STK32C: variants seen among roughly 807,000 people sequenced by gnomAD.
STK32C encodes the protein serine/threonine-protein kinase 32C.
Under a neutral mutation model 56.5 loss-of-function variants are expected in STK32C, and 31 were observed. The ratio of observed to expected loss-of-function variants is 0.55; its 90% CI spans 0.41 to 0.74. The LOEUF (loss-of-function observed/expected upper bound fraction) is 0.74, where lower values mean the gene tolerates loss of function less well. STK32C is among the 30% of genes least tolerant of loss of function. The pLI is 0.00. For synonymous variants in STK32C, 309 were observed against 289.4 expected (o/e 1.07, Z -0.69); for missense variants, 544 against 676.9 (o/e 0.80, Z 2.18).
chr10:132,315,243 C>T (rs988974127), intron 1 of STK32C, among the ~76,000 whole-genome samples: 27 of 152,006 alleles, frequency 1.8e-4, no homozygotes, highest in Non-Finnish European at 3.5e-4. Flanking sequence ...CACATGTTCT[C>T]ATTCATAAGT....
chr10:132,316,688 G>A (rs2066316587), intron 1 of STK32C, among the ~76,000 whole-genome samples: 1 of 151,902 alleles, frequency 6.6e-6, no homozygotes. Flanking sequence ...TAAAGCCCCA[G>A]GATTACAGAA....
At position 132,331,679 on chromosome 10, in the gene STK32C, G is replaced by A. The variant is rs756909510; in HGVS notation, c.58C>T (p.Gln20Ter). The A allele has an allele frequency of 2.4e-5, 38 of 1,612,684 alleles. No individual in the cohort carries two copies. Among genetic ancestry groups the A allele is most frequent in the Non-Finnish European group, 2.5e-5 (30 of 1,179,866 alleles). ...AGCAGCAATTCTTTTCTGCTCGGCTGTCCTCGAGCAGCCCCGCCCGCCCCG... is the reference window on the plus strand; with the variant it reads ...AGCAGCAATTCTTTTCTGCTCGGCTATCCTCGAGCAGCCCCGCCCGCCCCG... The change falls in exon 1 of 2, where the codon CAG becomes TAG. Residue 20 changes from glutamine (Q) to a stop codon, truncating the protein, a stop_gained. Coordinates refer to the STK32C transcript ENST00000368619. LOFTEE classifies it high-confidence loss of function.
intron 2 of STK32C, among the ~76,000 whole-genome samples, chr10:132,236,873 G>A (rs1054550339): frequency 2.0e-5 from 3 of 152,164 alleles, no homozygotes; most frequent in Admixed American, 6.5e-5. Flanking sequence ...TTGGCCCCAG[G>A]GTCCCTGCAC....
chr10:132,208,329 C>T (rs1445616063), intron 11 of STK32C, among the ~76,000 whole-genome samples, 178 bp from the exon 12 acceptor site: 3 of 152,182 alleles, frequency 2.0e-5, no homozygotes, highest in South Asian at 4.1e-4. Flanking sequence ...AGCCTGGGGA[C>T]GGGTGGGGGC....
chr10:132,222,467 G>A (rs2062712425), intron 10 of STK32C, among the ~76,000 whole-genome samples, 174 bp downstream of exon 10: 1 of 152,198 alleles, frequency 6.6e-6, no homozygotes, highest in South Asian at 2.1e-4. Context: ...GGAGCGAGGT[G>A]GGGGCTGGGA....
intron 1 of STK32C, among the ~76,000 whole-genome samples, chr10:132,298,277 G>A (rs1156609387): frequency 6.6e-6 from 1 of 152,252 alleles, no homozygotes. Context: ...CAGTCAAAGT[G>A]ACACGGTGCC....
chr10:132,209,183 C>G, intron 10 of STK32C, 82 bp from the exon 11 acceptor site: 2 of 1,282,896 alleles, frequency 1.6e-6, no homozygotes, highest in Admixed American at 3.5e-5. Flanking sequence ...GTCTGGGCAT[C>G]CCCATCGGGC....
chr10:132,214,070 A>G (rs2062395457), intron 10 of STK32C, among the ~76,000 whole-genome samples: 1 of 152,144 alleles, frequency 6.6e-6, no homozygotes, highest in East Asian at 1.9e-4. Flanking sequence ...TTCCAGCAGG[A>G]GAAGAGAAAG....
Position 132,301,493 on chromosome 10 carries a change from G to A in STK32C, c.262+6079C>T, listed in dbSNP as rs1211249050. ...ACACAGCTGGGAGCGCCCGTTAGGT[G>A]TGGGGGTCCCCGGGGAAGACAAGGC... On this transcript the variant is annotated intron_variant, in intron 1 of 11. Coordinates refer to ENST00000298630, the MANE Select transcript of STK32C (RefSeq NM_173575.4). Among the ~76,000 whole-genome samples, 4 of 152,320 alleles carry A rather than the reference G, an allele frequency of 2.6e-5. No individual in the cohort carries two copies. In the East Asian group the frequency reaches 7.7e-4, roughly 29 times the overall value.
intron 1 of STK32C, among the ~76,000 whole-genome samples, chr10:132,298,493 T>C (rs953345240): frequency 6.6e-6 from 1 of 152,086 alleles, no homozygotes; most frequent in Non-Finnish European, 1.5e-5. Flanking sequence ...TCCCCTCCCC[T>C]GAGGATGAGC....
rs78078824 is a variant in STK32C at position 132,210,100 on chromosome 10, C to A, written c.1252-999G>T. Among the ~76,000 whole-genome samples, 15 of 152,326 alleles carry A rather than the reference C, an allele frequency of 9.8e-5. No individual in the cohort carries two copies. In the East Asian group the frequency reaches 2.7e-3, roughly 27 times the overall value. On this transcript the variant is annotated intron_variant, in intron 10 of 11. Transcript: ENST00000298630. ...CATCTTACGGGACCACCCCCCCATG[C>A]GATTGGCCAGTGACGGAAGCATCGT...
At chr10:132,210,976 C>G (rs568693717) in intron 10 of STK32C, among the ~76,000 whole-genome samples, 15 of 152,316 alleles carry the variant, frequency 9.8e-5, no homozygotes, top group African/African-American at 3.4e-4. Flanking sequence ...TGTGAGCGGC[C>G]AGCACCTTGC....
intron 4 of STK32C, among the ~76,000 whole-genome samples, 200 bp from the exon 5 acceptor site, chr10:132,225,984 C>T (rs545189876): frequency 2.0e-5 from 3 of 152,236 alleles, no homozygotes; most frequent in Non-Finnish European, 4.4e-5. Context: ...TCAGCCACTT[C>T]GTTCCCTGTG....
chr10:132,329,405 C>A (rs1470960604), intron 1 of STK32C, among the ~76,000 whole-genome samples: 1 of 151,870 alleles, frequency 6.6e-6, no homozygotes, highest in East Asian at 1.9e-4. Context: ...CAGACTGAGA[C>A]CCTGTCTCAA....
At chr10:132,209,223 T>C in intron 10 of STK32C, 122 bp from the exon 11 acceptor site, 1 of 916,052 alleles carries the variant, frequency 1.1e-6, no homozygotes, top group Non-Finnish European at 1.7e-6. Context: ...TGACGGCCTC[T>C]GGGCTATTGA....
At position 132,208,475 on chromosome 10, in the gene STK32C, G is replaced by A. The variant is rs370887664; in HGVS notation, c.1320-324C>T. On this transcript the variant is annotated intron_variant, in intron 11 of 11. Transcript: ENST00000298630. ...TCTTCACCCGGTCATCTGATCCCCA[G>A]GGTGCCAGTCAGTGCCCTCAGCCGT... Among the ~76,000 whole-genome samples the A allele has an allele frequency of 1.4e-4, 22 of 152,314 alleles. No individual in the cohort carries two copies. In the East Asian group the frequency reaches 4.1e-3, roughly 28 times the overall value.
intron 2 of STK32C, among the ~76,000 whole-genome samples, chr10:132,242,477 CAAGAGG>C (rs2137893148): frequency 1.3e-5 from 2 of 152,250 alleles, no homozygotes; most frequent in East Asian, 3.9e-4. Flanking sequence ...ACAGACACTC[CAAGAGG>C]AACTGCCAGC....
chr10:132,220,300 C>G (rs776685011), intron 10 of STK32C, among the ~76,000 whole-genome samples: 2 of 152,208 alleles, frequency 1.3e-5, no homozygotes, highest in Non-Finnish European at 1.5e-5. Flanking sequence ...CAGCCTCTAC[C>G]GGAGGGTAGA....
chr10:132,311,265 C>T (rs1334046588), upstream of STK32C, among the ~76,000 whole-genome samples: 3 of 152,220 alleles, frequency 2.0e-5, no homozygotes, highest in Non-Finnish European at 4.4e-5. The surrounding 1 kb of genome is among the most constrained non-coding windows in gnomAD (Gnocchi z 4.4). Context: ...TCAGATCACA[C>T]GATTCGTGTG....
Sources: allele counts gnomAD v4.1 joint callset (sites outside exome capture counted in the v4.1 genomes callset), GRCh38; gene constraint gnomAD v4.1.1; non-coding constraint Gnocchi (gnomAD v3.1); transcripts MANE v1.5; gene names NCBI Gene and HGNC (gene_info 2026-07-23, HGNC 2026-07-21).